The following MOBP variants were observed in gnomAD, a reference collection of about 807,000 sequenced individuals.
The protein encoded by MOBP is myelin associated oligodendrocyte basic protein.
In MOBP, 5 loss-of-function variants were observed where a neutral mutation model predicts 15.0. The ratio of observed to expected loss-of-function variants is 0.33; its 90% CI spans 0.17 to 0.70. The LOEUF is 0.70. MOBP is among the 30% of genes least tolerant of loss of function. MOBP has a pLI of 0.67. For missense variants in MOBP, 188 were observed against 257.8 expected, an observed-to-expected ratio of 0.73 and a Z score of 1.85; for synonymous variants, 88 against 99.0, an observed-to-expected ratio of 0.89 and a Z score of 0.66.
chr3:39,493,785 A>C lies in MOBP; in HGVS notation c.-4-8281A>C, dbSNP rs1280824035. Reference sequence around the variant, plus strand: ...AAGGATCTGGAAAGGCTCCCCAAGGAGTGTCTTGACTTTGAGCTGAACCTC... The same window carrying C: ...AAGGATCTGGAAAGGCTCCCCAAGGCGTGTCTTGACTTTGAGCTGAACCTC... On this transcript the variant is annotated intron_variant, in intron 2 of 3. Transcript: ENST00000684792. Among the ~76,000 whole-genome samples, 3 of 152,152 alleles carry C rather than the reference A, an allele frequency of 2.0e-5. No homozygotes were observed. The South Asian group carries it at 6.2e-4, about 32-fold the overall frequency.
downstream of MOBP, among the ~76,000 whole-genome samples, chr3:39,507,233 T>C (rs1035046101): frequency 6.6e-6 from 1 of 152,218 alleles, no homozygotes; most frequent in African/African-American, 2.4e-5. Context: ...CTTGATTTCT[T>C]TCCTACAAAA....
intron 1 of MOBP, among the ~76,000 whole-genome samples, chr3:39,479,203 GA>G (rs2042590146): frequency 6.6e-6 from 1 of 152,084 alleles, no homozygotes; most frequent in Non-Finnish European, 1.5e-5. Context: ...GGGGAGAAAA[GA>G]AACATGCTAG....
At chr3:39,519,185 C>T (rs928359276), downstream of MOBP, among the ~76,000 whole-genome samples, 3 of 152,288 alleles carry the variant, frequency 2.0e-5, no homozygotes, top group South Asian at 4.1e-4. Flanking sequence ...CAGATTTTTA[C>T]GTAATCTCTT....
At position 39,483,891 on chromosome 3, in the gene MOBP, C is replaced by T. The variant is rs186333139; in HGVS notation, c.-5+3768C>T. On this transcript the variant is annotated intron_variant, in intron 2 of 3. Coordinates refer to ENST00000684792, the MANE Select transcript of MOBP (RefSeq NM_001393704.1). Reference sequence around the variant, plus strand: ...ACCCTTGCTGAGAACCTGACAAAAGCAGCCCGAGTCCTACATAACATCCCA... The same window carrying T: ...ACCCTTGCTGAGAACCTGACAAAAGTAGCCCGAGTCCTACATAACATCCCA... 1.1e-3 allele frequency among the ~76,000 whole-genome samples: 166 copies of T among 152,260 alleles called. 1 individual carries two copies. In the East Asian group the frequency reaches 0.022, roughly 21 times the overall value.
exon 5 of MOBP, chr3:39,515,605 A>G (rs913324309): frequency 2.0e-5 from 3 of 151,856 alleles, no homozygotes; most frequent in African/African-American, 4.8e-5. Context: ...CCTTCTTTCT[A>G]TTTTTTCTTT....
rs184648012 is a variant in MOBP, at chr3:39,481,944, A to G, written c.-5+1821A>G. Among the ~76,000 whole-genome samples the G allele has an allele frequency of 1.1e-3, 175 of 152,298 alleles. 3 individuals carry two copies. Among genetic ancestry groups the G allele is most frequent in the Non-Finnish European group, 2.2e-4 (15 of 68,026 alleles). ...CTTCTACCTCTCCCATTCAGCCATC[A>G]AAGCAATCCCTTCCACTCTCATGGC... On this transcript the variant is annotated intron_variant, in intron 2 of 3. Coordinates refer to ENST00000684792, the MANE Select transcript of MOBP (RefSeq NM_001393704.1).
At chr3:39,498,354 A>AT (rs1421704729) in intron 2 of MOBP, among the ~76,000 whole-genome samples, 2 of 151,682 alleles carry the variant, frequency 1.3e-5, no homozygotes, top group African/African-American at 2.4e-5. Flanking sequence ...TTTTGTTTTT[A>AT]TTTTTTTGTT....
Sources: allele counts gnomAD v4.1 joint callset (sites outside exome capture counted in the v4.1 genomes callset), GRCh38; gene constraint gnomAD v4.1.1; transcripts MANE v1.5; gene names NCBI Gene and HGNC (gene_info 2026-07-23, HGNC 2026-07-21).